The following IAH1 variants were observed in gnomAD, a reference collection of about 807,000 sequenced individuals.
The protein encoded by IAH1 is isoamyl acetate-hydrolyzing esterase 1 homolog.
IAH1 carries 24 observed loss-of-function variants against 26.7 expected under a neutral mutation model. The ratio of observed to expected loss-of-function variants is 0.90; its 90% CI spans 0.65 to 1.26. The LOEUF is 1.26. Ranked by LOEUF, IAH1 falls within the 50% of genes most tolerant of loss-of-function variation. The pLI, the probability that IAH1 is intolerant of heterozygous loss-of-function variation, is 0.00. For synonymous variants in IAH1, 140 were observed against 118.5 expected, an observed-to-expected ratio of 1.18 and a Z score of -1.18; for missense variants, 300 against 299.9, an observed-to-expected ratio of 1.00 and a Z score of 0.00.
downstream of IAH1, chr2:9,489,745 A>AAAAAC (rs1558488599): frequency 1.3e-5 from 2 of 148,238 alleles, no homozygotes; most frequent in South Asian, 2.2e-4. Flanking sequence ...AAAAAAAAAA[A>AAAAAC]AAAACTATTC....
Position 9,475,972 on chromosome 2 carries a change from C to G in IAH1, c.82-15C>G. ...TACAGTCATTAGTAGTAATAATGGG[C>G]TTTTCTTCCTCCAGTTTTCCTTCCA... is the stretch of plus-strand genomic sequence containing the variant. On this transcript the variant is annotated splice_polypyrimidine_tract_variant and intron_variant, in intron 1 of 5. Transcript: ENST00000497473. 6.2e-7 allele frequency: 1 copy of G among 1,612,364 alleles called. No homozygotes were observed. The highest frequency in any genetic ancestry group is 8.5e-7 in the Non-Finnish European group (1 of 1,178,920).
Position 9,478,335 on chromosome 2 carries a change from C to T in IAH1, c.248C>T (p.Thr83Ile). The T allele has an allele frequency of 6.2e-7, 1 of 1,611,138 alleles. No homozygotes were observed. Among genetic ancestry groups the T allele is most frequent in the Non-Finnish European group, 8.5e-7 (1 of 1,178,466 alleles). ...GNSLDIPVAV[T>I]IFFGANDSAL... ...AGTTTGGACATCCCAGTAGCAGTTACAATTTTCTTTGGGGCCAATGACAGT... is the reference window on the plus strand; with the variant it reads ...AGTTTGGACATCCCAGTAGCAGTTATAATTTTCTTTGGGGCCAATGACAGT... Residue 83 changes from threonine to isoleucine, a missense_variant, in exon 3 of 6, where the codon ACA (threonine) becomes ATA (isoleucine). Thr to Ile is a moderately conservative substitution (Grantham distance 89, BLOSUM62 -1). Transcript: ENST00000497473.
chr2:9,497,854 T>C (rs906856187), downstream of IAH1, among the ~76,000 whole-genome samples: 8 of 152,076 alleles, frequency 5.3e-5, no homozygotes, highest in Non-Finnish European at 1.5e-5. Context: ...TCACACTCCT[T>C]CTCTCCTTCA....
downstream of IAH1, chr2:9,497,307 G>C: frequency 5.0e-6 from 8 of 1,599,680 alleles, no homozygotes; most frequent in Admixed American, 5.1e-5. Flanking sequence ...CAGTTCTACA[G>C]GTGCATAATA....
Position 9,489,260 on chromosome 2 carries a change from T to A in IAH1, c.*931T>A, listed in dbSNP as rs1297507391. 3.5e-5 allele frequency: 1 copy of A among 28,388 alleles called. No individual in the cohort carries two copies. Among genetic ancestry groups the A allele is most frequent in the Admixed American group, 2.3e-4 (1 of 4,316 alleles). The allele number at this position is 28,388 out of a possible 1,614,324, so 1.8% of individuals were successfully genotyped here. A position where few individuals can be genotyped will look rare whatever the true frequency, so the allele number is the denominator to read the frequency against. On this transcript the variant is annotated 3_prime_UTR_variant, in exon 6 of 6. Transcript: ENST00000497473. Reference sequence around the variant, plus strand: ...ATATTCTAGGTTTGTAGATAGTGAATTTTTTTTTTTTTTTTTTTTTTTTGA... The same window carrying A: ...ATATTCTAGGTTTGTAGATAGTGAAATTTTTTTTTTTTTTTTTTTTTTTGA...
chr2:9,492,707 AT>A (rs904708992), downstream of IAH1, among the ~76,000 whole-genome samples: 3 of 152,164 alleles, frequency 2.0e-5, no homozygotes, highest in Non-Finnish European at 2.9e-5. Context: ...CAAAAATAGT[AT>A]TTTTTTTAAA....
At chr2:9,481,093 G>A (rs1479593952) in intron 3 of IAH1, among the ~76,000 whole-genome samples, 193 bp from the exon 4 acceptor site, 1 of 152,144 alleles carries the variant, frequency 6.6e-6, no homozygotes, top group African/African-American at 2.4e-5. Flanking sequence ...CCTAGTTAGA[G>A]CCTTTGAAGT....
the IAH1 span, among the ~76,000 whole-genome samples, chr2:9,503,735 G>T: frequency 2.0e-5 from 3 of 151,998 alleles, no homozygotes; most frequent in Non-Finnish European, 4.4e-5. Flanking sequence ...CTACTGGGGA[G>T]GCTGAGGCAG....
chr2:9,484,620 C>A, intron 5 of IAH1, 70 bp downstream of exon 5: 1 of 1,044,630 alleles, frequency 9.6e-7, no homozygotes, highest in Non-Finnish European at 1.5e-6. Context: ...GTGTGTGCAG[C>A]AGCTTTCCCT....
At position 9,489,572 on chromosome 2, in the gene IAH1, T is replaced by G. The variant is rs1305130006; in HGVS notation, c.*1243T>G. ...TTAGGTTTCTAGAGAGCATTAGTCT[T>G]AGAATTATGAAGAGCCATATTAACC... On this transcript the variant is annotated 3_prime_UTR_variant, in exon 6 of 6. Coordinates refer to ENST00000497473, the MANE Select transcript of IAH1 (RefSeq NM_001039613.3). 6.6e-6 allele frequency: 1 copy of G among 152,460 alleles called. No individual in the cohort carries two copies. The highest frequency in any genetic ancestry group is 6.6e-5 in the Admixed American group (1 of 15,260). The allele number at this position is 152,460 out of a possible 1,614,324, so 9.4% of individuals were successfully genotyped here.
chr2:9,505,031 CA>C, the IAH1 span: 3 of 993,472 alleles, frequency 3.0e-6, no homozygotes, highest in Non-Finnish European at 4.4e-6. Flanking sequence ...CTGTGAAGGG[CA>C]AAAGAGGTAG....
chr2:9,502,536 T>G, the IAH1 span, among the ~76,000 whole-genome samples: 1 of 152,114 alleles, frequency 6.6e-6, no homozygotes, highest in Non-Finnish European at 1.5e-5. Context: ...GTGAAACATC[T>G]TGGTGCCCTT....
At chr2:9,486,495 C>G (rs2124927222) in intron 5 of IAH1, 1 of 152,252 alleles carries the variant, frequency 6.6e-6, no homozygotes, top group African/African-American at 2.4e-5. Context: ...AGAAGAAGTG[C>G]TACTATTATA....
chr2:9,505,339 T>A, the IAH1 span: 1 of 1,614,200 alleles, frequency 6.2e-7, no homozygotes, highest in Non-Finnish European at 8.5e-7. Context: ...TCTTATAGAT[T>A]GATTGTTTAC....
intron 5 of IAH1, 59 bp from the exon 6 acceptor site, chr2:9,488,086 CAG>C (rs1006389189): frequency 1.1e-5 from 12 of 1,133,332 alleles, no homozygotes; most frequent in South Asian, 1.7e-5. Flanking sequence ...GTTGGAATGA[CAG>C]GGGTGAGCTA....
At chr2:9,477,702 T>C (rs1320535105) in intron 2 of IAH1, among the ~76,000 whole-genome samples, 1 of 151,472 alleles carries the variant, frequency 6.6e-6, no homozygotes, top group East Asian at 1.9e-4. Context: ...TACAGTACTG[T>C]GAATCCAACT....
chr2:9,508,475 A>C, the IAH1 span, among the ~76,000 whole-genome samples: 1 of 152,214 alleles, frequency 6.6e-6, no homozygotes, highest in Non-Finnish European at 1.5e-5. Flanking sequence ...CAAGTATATA[A>C]CTCAGTGATT....
rs1553354320 is a variant in IAH1, at chr2:9,487,825, T to TGC, written c.565-321_565-320insCG. 7.7e-4 allele frequency among the ~76,000 whole-genome samples: 82 copies of TGC among 106,196 alleles called. 3 individuals carry two copies. Among genetic ancestry groups the TGC allele is most frequent in the African/African-American group, 3.0e-3 (80 of 26,398 alleles). 69.7% of individuals were successfully genotyped at this position (106,196 alleles called of 152,430 possible). ...GTGTGTGTGTGTGTGTGTGTGTGTG[T>TGC]GTGTGTGTGCGCGCGCGCGCGCGCG... On this transcript the variant is annotated intron_variant, in intron 5 of 5. Coordinates refer to ENST00000497473, the MANE Select transcript of IAH1 (RefSeq NM_001039613.3).
At chr2:9,487,072 A>G (rs1467989418) in intron 5 of IAH1, among the ~76,000 whole-genome samples, 1 of 152,046 alleles carries the variant, frequency 6.6e-6, no homozygotes, top group Non-Finnish European at 1.5e-5. Context: ...ATCTCTACAA[A>G]AAGCACAAAA....
Sources: gnomAD v4.1 joint callset for allele counts (sites outside exome capture counted in the v4.1 genomes callset) on GRCh38, gnomAD v4.1.1 for gene constraint, MANE v1.5 for transcripts, NCBI Gene and HGNC (gene_info 2026-07-23, HGNC 2026-07-21) for gene names.